SMURF2: variants seen among roughly 807,000 people sequenced by gnomAD.
The protein encoded by SMURF2 is SMAD specific E3 ubiquitin protein ligase 2.
A neutral mutation model predicts 109.6 loss-of-function variants in SMURF2; 48 were observed. The observed-to-expected ratio is 0.44, with a 90% CI of 0.35 to 0.56. The LOEUF is 0.56. Among genes scored for constraint, SMURF2 ranks in the 20% least tolerant of loss-of-function variants. The pLI is 0.01. For synonymous variants in SMURF2, 288 were observed against 317.1 expected (o/e 0.91, Z 0.97); for missense variants, 575 against 909.0 (o/e 0.63, Z 4.72).
At chr17:64,656,347 A>G (rs777218520) in intron 1 of SMURF2, among the ~76,000 whole-genome samples, 2 of 152,250 alleles carry the variant, frequency 1.3e-5, no homozygotes, top group African/African-American at 2.4e-5. Context: ...TAAGAAAAAC[A>G]CTAAGGCTCT....
intron 1 of SMURF2, among the ~76,000 whole-genome samples, chr17:64,623,011 G>A (rs1284425087): frequency 6.6e-6 from 1 of 152,034 alleles, no homozygotes; most frequent in Non-Finnish European, 1.5e-5. Context: ...AATTTTTCCA[G>A]CTTTGGCCAT....
At chr17:64,553,388 C>A (rs540445026) in intron 15 of SMURF2, among the ~76,000 whole-genome samples, 1 of 152,110 alleles carries the variant, frequency 6.6e-6, no homozygotes, top group South Asian at 2.1e-4. Flanking sequence ...TACCTGTACT[C>A]CCAGCTACTC....
intron 12 of SMURF2, 57 bp from the exon 13 acceptor site, chr17:64,557,779 G>T: frequency 1.1e-6 from 1 of 915,738 alleles, no homozygotes; most frequent in South Asian, 1.5e-5. Flanking sequence ...TTTTTATTAA[G>T]ATATGTCATT....
intron 1 of SMURF2, among the ~76,000 whole-genome samples, chr17:64,638,055 CCTTT>C (rs1266539425): frequency 7.5e-6 from 1 of 133,430 alleles, no homozygotes; most frequent in African/African-American, 2.9e-5. Flanking sequence ...TTTTTTTTTT[CCTTT>C]TTCTTTTTTT....
intron 1 of SMURF2, among the ~76,000 whole-genome samples, chr17:64,647,594 T>C (rs113722292): frequency 0.088 from 13,226 of 150,422 alleles, 1,305 homozygotes; most frequent in African/African-American, 0.25. Flanking sequence ...TGAAGGCAAA[T>C]CGCTTGAACC....
intron 1 of SMURF2, among the ~76,000 whole-genome samples, chr17:64,643,926 A>G (rs1053468905): frequency 1.3e-5 from 2 of 152,036 alleles, no homozygotes; most frequent in African/African-American, 4.8e-5. Context: ...TCCTGGGTTC[A>G]GGCGATTCTC....
At position 64,547,739 on chromosome 17, in the gene SMURF2, T is replaced by C. The variant is rs1968979364; in HGVS notation, c.1932A>G (p.Lys644=). ...CAATGTTGCTGTCTGGTGTACAGTG[T>C]TTTAACCGGGTGTTTACCTTCCAGT... ...VNDWKVNTRL[K]HCTPDSNIVK... Residue 644 remains lysine (K), a synonymous_variant, in exon 17 of 19, where the codon AAA becomes AAG. Transcript: ENST00000262435. The surrounding 1 kb of genome is among the most constrained non-coding windows in gnomAD (Gnocchi z 4.2). 1 of 1,614,106 alleles carries C rather than the reference T, an allele frequency of 6.2e-7. No individual in the cohort carries two copies. Among genetic ancestry groups the C allele is most frequent in the African/African-American group, 1.3e-5 (1 of 74,940 alleles).
At chr17:64,586,515 G>A (rs140949236) in intron 5 of SMURF2, among the ~76,000 whole-genome samples, 7,202 of 151,968 alleles carry the variant, frequency 0.047, 277 homozygotes, top group Admixed American at 0.13. Flanking sequence ...TTGGGAGGCC[G>A]AGGCGGGCAG....
intron 9 of SMURF2, among the ~76,000 whole-genome samples, chr17:64,575,762 C>T (rs983819241): frequency 2.6e-5 from 4 of 151,768 alleles, no homozygotes; most frequent in African/African-American, 9.7e-5. Flanking sequence ...GGAGGAGGGG[C>T]GCTGCTGTGC....
chr17:64,631,269 AGAGGG>A (rs1970336721), intron 1 of SMURF2, among the ~76,000 whole-genome samples: 1 of 3,538 alleles, frequency 2.8e-4, no homozygotes, highest in Non-Finnish European at 6.5e-4. Flanking sequence ...TGGGGGGGAG[AGAGGG>A]GGGGGGGGAG....
Position 64,580,784 on chromosome 17 carries a change from C to A in SMURF2, c.772+5G>T. On this transcript the variant is annotated splice_donor_5th_base_variant and intron_variant, in intron 8 of 18. Transcript: ENST00000262435. ...CATTTTATTTTTCCTTTGTAGTTGT[C>A]ATACCATAGCCTTCTGGTAGGTCTG... 1 of 1,613,466 alleles carries A rather than the reference C, an allele frequency of 6.2e-7. No homozygotes were observed. The highest frequency in any genetic ancestry group is 1.1e-5 in the South Asian group (1 of 91,014).
At chr17:64,644,747 A>G (rs1279799288) in intron 1 of SMURF2, among the ~76,000 whole-genome samples, 2 of 152,008 alleles carry the variant, frequency 1.3e-5, no homozygotes, top group Non-Finnish European at 2.9e-5. Flanking sequence ...CTCCAACTCT[A>G]CCAAAAAGAC....
intron 15 of SMURF2, among the ~76,000 whole-genome samples, chr17:64,553,347 A>G (rs1969072712): frequency 6.6e-6 from 1 of 151,996 alleles, no homozygotes; most frequent in African/African-American, 2.4e-5. Context: ...TCTGCTAATA[A>G]TAAAAAAAAG....
chr17:64,628,041 C>T (rs782487125), intron 1 of SMURF2, among the ~76,000 whole-genome samples: 24 of 152,274 alleles, frequency 1.6e-4, no homozygotes, highest in Non-Finnish European at 2.6e-4. Context: ...CTGAGCCATC[C>T]GATGAAGCCA....
At chr17:64,604,640 A>G (rs1598291723) in intron 2 of SMURF2, among the ~76,000 whole-genome samples, 1 of 152,222 alleles carries the variant, frequency 6.6e-6, no homozygotes, top group East Asian at 1.9e-4. Context: ...AGAGTGCAGA[A>G]GCAGCTGTAA....
At chr17:64,586,932 G>A (rs569595342) in intron 5 of SMURF2, among the ~76,000 whole-genome samples, 17 of 152,120 alleles carry the variant, frequency 1.1e-4, no homozygotes, top group African/African-American at 3.1e-4. Context: ...TTGGGAGGCC[G>A]AGGCAGGCAG....
At chr17:64,631,334 G>C (rs1358399683) in intron 1 of SMURF2, among the ~76,000 whole-genome samples, 2 of 142,544 alleles carry the variant, frequency 1.4e-5, no homozygotes, top group African/African-American at 5.4e-5. Flanking sequence ...GAGACAGAGA[G>C]AGAGAGACAG....
At chr17:64,551,284 G>A (rs1022345959) in intron 16 of SMURF2, among the ~76,000 whole-genome samples, 3 of 151,946 alleles carry the variant, frequency 2.0e-5, no homozygotes, top group Non-Finnish European at 2.9e-5. Flanking sequence ...TTGAGCCCAG[G>A]AGGTCAAGGC....
intron 1 of SMURF2, among the ~76,000 whole-genome samples, chr17:64,650,129 C>CA (rs1197715634): frequency 6.7e-6 from 1 of 150,132 alleles, no homozygotes; most frequent in African/African-American, 2.5e-5. Flanking sequence ...AGTACGTTTA[C>CA]AAAAAACTTT....
Sources: gnomAD v4.1 joint callset for allele counts (sites outside exome capture counted in the v4.1 genomes callset) on GRCh38, gnomAD v4.1.1 for gene constraint, Gnocchi (gnomAD v3.1) non-coding constraint, MANE v1.5 for transcripts, NCBI Gene and HGNC (gene_info 2026-07-23, HGNC 2026-07-21) for gene names.